ROBO1: variants seen among roughly 807,000 people sequenced by gnomAD.
The protein encoded by ROBO1 is roundabout guidance receptor 1, also known as roundabout homolog 1.
ROBO1 carries 149 observed loss-of-function variants against 195.9 expected under a neutral mutation model. The observed-to-expected ratio is 0.76, with a 90% confidence interval of 0.67 to 0.87. The LOEUF is 0.87. ROBO1 is among the 40% of genes least tolerant of loss of function. The pLI is 0.00. For missense variants in ROBO1, 1,933 were observed against 2,068.3 expected, an observed-to-expected ratio of 0.93 and a Z score of 1.27; for synonymous variants, 816 against 733.2, an observed-to-expected ratio of 1.11 and a Z score of -1.82.
Position 79,472,895 on chromosome 3 carries a change from T to C in ROBO1, c.88+116929A>G, listed in dbSNP as rs79893634. 1.8e-4 allele frequency among the ~76,000 whole-genome samples: 28 copies of C among 152,234 alleles called. No individual in the cohort carries two copies. The East Asian group carries it at 5.2e-3, about 28-fold the overall frequency. On this transcript the variant is annotated intron_variant, in intron 2 of 30. Transcript: ENST00000464233. ...AATCTGGGGGTTAGAAAGTTCTTCTTGAAAGAGGAGCTTTTAAACTAAGAG... is the reference window on the plus strand; with the variant it reads ...AATCTGGGGGTTAGAAAGTTCTTCTCGAAAGAGGAGCTTTTAAACTAAGAG...
At chr3:78,829,221 A>G (rs2031920062) in intron 4 of ROBO1, among the ~76,000 whole-genome samples, 1 of 152,224 alleles carries the variant, frequency 6.6e-6, no homozygotes, top group African/African-American at 2.4e-5. Flanking sequence ...AGTGTCTGAA[A>G]CAGAGTGAGT....
chr3:79,258,331 C>A (rs1472933366), intron 2 of ROBO1, among the ~76,000 whole-genome samples: 1 of 152,136 alleles, frequency 6.6e-6, no homozygotes, highest in Non-Finnish European at 1.5e-5. Context: ...CATAAACACA[C>A]AAGCAAATAC....
chr3:78,611,890 A>G (rs1031828899), intron 28 of ROBO1, among the ~76,000 whole-genome samples: 2 of 152,188 alleles, frequency 1.3e-5, no homozygotes, highest in Non-Finnish European at 1.5e-5. Flanking sequence ...CCAGCCAAGG[A>G]GAGAGGCCTC....
intron 1 of ROBO1, among the ~76,000 whole-genome samples, chr3:79,767,478 C>G (rs542162995): frequency 6.6e-6 from 1 of 152,314 alleles, no homozygotes; most frequent in South Asian, 2.1e-4. Flanking sequence ...GGACACTCTG[C>G]ACAACTGGCA....
At position 79,084,709 on chromosome 3, in the gene ROBO1, G is replaced by A. The variant is rs149133257; in HGVS notation, c.172+40747C>T. Among the ~76,000 whole-genome samples, 333 of 152,088 alleles carry A rather than the reference G, an allele frequency of 2.2e-3. 1 individual carries two copies. Among genetic ancestry groups the A allele is most frequent in the African/African-American group, 7.5e-3 (310 of 41,484 alleles). On this transcript the variant is annotated intron_variant, in intron 3 of 30. Transcript: ENST00000464233. ...ATTAAATTGTGGAATTGAATCTTGG[G>A]TCCAAGAATTTGATTTCCAGAATCC...
chr3:79,533,330 C>T (rs1467101939), intron 2 of ROBO1, among the ~76,000 whole-genome samples: 1 of 152,120 alleles, frequency 6.6e-6, no homozygotes, highest in Non-Finnish European at 1.5e-5. Flanking sequence ...ACATTTGTCT[C>T]ATGATTATTT....
intron 3 of ROBO1, among the ~76,000 whole-genome samples, chr3:78,955,360 T>G (rs1239477684): frequency 6.6e-6 from 1 of 152,054 alleles, no homozygotes; most frequent in East Asian, 1.9e-4. Context: ...CTCTCTCTCC[T>G]CCCAACCTTC....
chr3:79,725,517 C>T (rs551625248), intron 1 of ROBO1, among the ~76,000 whole-genome samples: 4 of 152,120 alleles, frequency 2.6e-5, no homozygotes, highest in South Asian at 2.1e-4. Context: ...TGAGCCACCG[C>T]GCCCGGCCCT....
rs567283667 is a variant in ROBO1, at chr3:79,402,036, A to AT, written c.88+187787dup. Among the ~76,000 whole-genome samples the AT allele has an allele frequency of 2.8e-3, 432 of 151,770 alleles. 2 individuals carry two copies. Among genetic ancestry groups the AT allele is most frequent in the African/African-American group, 9.0e-3 (374 of 41,470 alleles). On this transcript the variant is annotated intron_variant, in intron 2 of 30. Coordinates refer to ENST00000464233, the MANE Select transcript of ROBO1 (RefSeq NM_002941.4). Reference sequence around the variant, plus strand: ...GTTAAACGCATTTTGATTCTTTTTTATTTTTTGATTACTTGATATATAAGC... The same window carrying AT: ...GTTAAACGCATTTTGATTCTTTTTTATTTTTTTGATTACTTGATATATAAGC...
At chr3:79,644,999 T>A (rs1236504628) in intron 1 of ROBO1, among the ~76,000 whole-genome samples, 2 of 151,986 alleles carry the variant, frequency 1.3e-5, no homozygotes, top group Non-Finnish European at 2.9e-5. Context: ...AATTGAAAAG[T>A]TTTTTGAAAC....
Position 79,496,387 on chromosome 3 carries a change from C to CATTTT in ROBO1, c.88+93436_88+93437insAAAAT, listed in dbSNP as rs145186389. Among the ~76,000 whole-genome samples the CATTTT allele has an allele frequency of 8.7e-4, 98 of 112,568 alleles. 4 individuals carry two copies. Among genetic ancestry groups the CATTTT allele is most frequent in the Middle Eastern group, 8.7e-3 (2 of 230 alleles). 73.8% of individuals were successfully genotyped at this position (112,568 alleles called of 152,430 possible). ...TTTTGGTATAATGCTGCGCACCCAT[C>CATTTT]TTTTTTTGAGACGGAGTCTCGCTCT... On this transcript the variant is annotated intron_variant, in intron 2 of 30. Transcript: ENST00000464233.
chr3:78,898,995 G>A (rs2107453202), intron 4 of ROBO1, among the ~76,000 whole-genome samples: 1 of 152,136 alleles, frequency 6.6e-6, no homozygotes, highest in South Asian at 2.1e-4. Context: ...CCAAACTCCA[G>A]GCATCCCCCT....
intron 9 of ROBO1, among the ~76,000 whole-genome samples, chr3:78,687,100 G>C (rs567584321): frequency 2.2e-4 from 33 of 152,184 alleles, no homozygotes; most frequent in African/African-American, 7.9e-4. Flanking sequence ...GGAAAAATGA[G>C]TTGTGTTATT....
In ROBO1 at chr3:78,606,970, C is replaced by A. The variant is rs1430684731; in HGVS notation, c.4507G>T (p.Val1503Leu). 6.2e-7 allele frequency: 1 copy of A among 1,613,904 alleles called. No homozygotes were observed. The highest frequency in any genetic ancestry group is 1.7e-5 in the Admixed American group (1 of 59,998). Reference sequence around the variant, plus strand: ...AGTTTTGGCACCACTACAGGTCGTACTTCCAGCTGTGTCTTGGATTGGGCA... The same window carrying A: ...AGTTTTGGCACCACTACAGGTCGTAATTCCAGCTGTGTCTTGGATTGGGCA... ...PTAQSKTQLE[V>L]RPVVVPKLPS... The change falls in exon 29 of 31, where the codon GTA becomes TTA. Residue 1503 changes from valine to leucine, a missense_variant. By Grantham distance (32) the Val-to-Leu change is conservative. Transcript: ENST00000464233.
At chr3:79,106,662 G>T (rs959798207) in intron 3 of ROBO1, among the ~76,000 whole-genome samples, 1 of 151,446 alleles carries the variant, frequency 6.6e-6, no homozygotes, top group African/African-American at 2.4e-5. Flanking sequence ...CTACTTCTGA[G>T]TTAACACGAG....
intron 8 of ROBO1, among the ~76,000 whole-genome samples, chr3:78,705,112 T>C (rs555346194): frequency 2.6e-5 from 4 of 152,318 alleles, no homozygotes; most frequent in African/African-American, 7.2e-5. Context: ...ATGTTATTCA[T>C]TCTATCAGGA....
chr3:79,059,937 C>T (rs1346890329), intron 3 of ROBO1, among the ~76,000 whole-genome samples: 1 of 151,994 alleles, frequency 6.6e-6, no homozygotes, highest in Non-Finnish European at 1.5e-5. Flanking sequence ...TGACTGCCTG[C>T]CGAGCTGGGC....
At chr3:79,472,505 A>G (rs1012474254) in intron 2 of ROBO1, among the ~76,000 whole-genome samples, 1 of 152,160 alleles carries the variant, frequency 6.6e-6, no homozygotes, top group Admixed American at 6.6e-5. Context: ...TAGTCATTGA[A>G]CCAGAGCTAA....
chr3:79,435,448 TG>T (rs1331503735), intron 2 of ROBO1, among the ~76,000 whole-genome samples: 1 of 152,208 alleles, frequency 6.6e-6, no homozygotes, highest in East Asian at 1.9e-4. Context: ...AAATCTGCAC[TG>T]TATGCACGTT....
Sources: gnomAD v4.1 joint callset for allele counts (sites outside exome capture counted in the v4.1 genomes callset) on GRCh38, gnomAD v4.1.1 for gene constraint, MANE v1.5 for transcripts, NCBI Gene and HGNC (gene_info 2026-07-23, HGNC 2026-07-21) for gene names.